PLEKHG1: variants seen among roughly 807,000 people sequenced by gnomAD.
The protein encoded by PLEKHG1 is pleckstrin homology and RhoGEF domain containing G1.
A neutral mutation model predicts 100.8 loss-of-function variants in PLEKHG1; 44 were observed. That is an observed-to-expected ratio of 0.44 (90% CI 0.34 to 0.56). PLEKHG1 has a LOEUF of 0.56. Among genes scored for constraint, PLEKHG1 ranks in the 20% least tolerant of loss-of-function variants. The pLI is 0.01. For synonymous variants in PLEKHG1, 640 were observed against 662.5 expected (o/e 0.97, Z 0.52); for missense variants, 1,545 against 1,720.9 (o/e 0.90, Z 1.81).
intron 1 of PLEKHG1, among the ~76,000 whole-genome samples, chr6:150,628,673 A>G (rs892899802): frequency 6.6e-6 from 1 of 152,070 alleles, no homozygotes; most frequent in Non-Finnish European, 1.5e-5. Context: ...ATTTAGTTAA[A>G]TGGAGTTGGT....
chr6:150,763,300 G>T (rs1784279490), intron 2 of PLEKHG1, among the ~76,000 whole-genome samples: 1 of 151,830 alleles, frequency 6.6e-6, no homozygotes, highest in Non-Finnish European at 1.5e-5. Flanking sequence ...CAAAGTGTGG[G>T]GATTACAGGT....
At chr6:150,721,582 T>C (rs1781677947) in intron 1 of PLEKHG1, among the ~76,000 whole-genome samples, 1 of 152,230 alleles carries the variant, frequency 6.6e-6, no homozygotes, top group African/African-American at 2.4e-5. Flanking sequence ...TTTCATATGC[T>C]TTCTTTTTGA....
intron 10 of PLEKHG1, among the ~76,000 whole-genome samples, chr6:150,811,553 T>G (rs1467516908): frequency 1.3e-5 from 2 of 150,518 alleles, no homozygotes; most frequent in African/African-American, 2.5e-5. Flanking sequence ...ATGACAGGCA[T>G]GAGCCACTGT....
chr6:150,673,860 T>C (rs1779653118), intron 3 of PLEKHG1, among the ~76,000 whole-genome samples: 1 of 152,126 alleles, frequency 6.6e-6, no homozygotes, highest in African/African-American at 2.4e-5. Context: ...GATGAGCTTT[T>C]GCTATGTTGC....
At chr6:150,803,177 A>G (rs1786812193) in intron 6 of PLEKHG1, among the ~76,000 whole-genome samples, 1 of 152,176 alleles carries the variant, frequency 6.6e-6, no homozygotes, top group South Asian at 2.1e-4. Flanking sequence ...TAGATGAAAA[A>G]CTTGAGTACT....
chr6:150,766,916 C>CCCCCG (rs1184371221), intron 2 of PLEKHG1, among the ~76,000 whole-genome samples: 1 of 152,146 alleles, frequency 6.6e-6, no homozygotes, highest in South Asian at 2.1e-4. Flanking sequence ...GCACCCTCCA[C>CCCCCG]CCCTGCCCCG....
intron 3 of PLEKHG1, among the ~76,000 whole-genome samples, chr6:150,774,425 TGTG>T (rs1784851124): frequency 6.6e-6 from 1 of 152,146 alleles, no homozygotes; most frequent in Admixed American, 6.5e-5. Flanking sequence ...CTATTCATAA[TGTG>T]GTAAATATTA....
intron 3 of PLEKHG1, among the ~76,000 whole-genome samples, chr6:150,688,312 T>G (rs547532606): frequency 1.5e-5 from 2 of 133,056 alleles, no homozygotes; most frequent in Non-Finnish European, 3.1e-5. Flanking sequence ...ATTTTCTTCC[T>G]TTGTTTTTTT....
At chr6:150,752,940 T>C (rs1968998) in intron 2 of PLEKHG1, among the ~76,000 whole-genome samples, 10,106 of 152,096 alleles carry the variant, frequency 0.066, 460 homozygotes, top group Admixed American at 0.14. Flanking sequence ...GGCGAAACCC[T>C]GTCTCTACAA....
In PLEKHG1 at chr6:150,600,142, CG is replaced by C. The variant is rs962603626; in HGVS notation, c.-204+126del. ...CGGGCGGAGCGTGGTACCCGGGCCC[CG>C]CCGGCCCCCTGCGCGCCCCTCCGCA... On this transcript the variant is annotated intron_variant, in intron 1 of 3. Coordinates refer to the PLEKHG1 transcript ENST00000367326. The surrounding 1 kb of genome is among the most constrained non-coding windows in gnomAD (Gnocchi z 6.2). 1.7e-3 allele frequency: 273 copies of C among 156,362 alleles called. No homozygotes were observed. The highest frequency in any genetic ancestry group is 3.1e-3 in the Non-Finnish European group (217 of 70,208). 9.7% of individuals were successfully genotyped at this position (156,362 alleles called of 1,614,324 possible).
intron 3 of PLEKHG1, among the ~76,000 whole-genome samples, chr6:150,687,662 A>T (rs1438413833): frequency 6.6e-6 from 1 of 152,204 alleles, no homozygotes; most frequent in Non-Finnish European, 1.5e-5. Context: ...TGGGAGGAAC[A>T]CAGTGCCAGC....
intron 4 of PLEKHG1, among the ~76,000 whole-genome samples, chr6:150,788,117 A>C (rs569142268): frequency 6.6e-6 from 1 of 152,240 alleles, no homozygotes; most frequent in Non-Finnish European, 1.5e-5. Flanking sequence ...AATTATTCAC[A>C]TAAAAGTTTG....
exon 7 of PLEKHG1, chr6:150,804,719 A>T: frequency 1.2e-6 from 2 of 1,613,876 alleles, no homozygotes; most frequent in Non-Finnish European, 1.7e-6. Flanking sequence ...AAGCGGAAAC[A>T]CGAGCACGCG....
chr6:150,739,018 C>T (rs1782711975), intron 2 of PLEKHG1, among the ~76,000 whole-genome samples: 1 of 152,046 alleles, frequency 6.6e-6, no homozygotes. Context: ...CACGGGCTGT[C>T]AGGGGTAGGG....
chr6:150,605,912 T>C (rs2128550837), intron 1 of PLEKHG1: 1 of 152,358 alleles, frequency 6.6e-6, no homozygotes, highest in East Asian at 1.9e-4. Flanking sequence ...GTGTTCATTG[T>C]ATTTGTGCTC....
intron 3 of PLEKHG1, among the ~76,000 whole-genome samples, chr6:150,699,012 T>C (rs1780660002): frequency 6.6e-6 from 1 of 152,200 alleles, no homozygotes; most frequent in Admixed American, 6.5e-5. Flanking sequence ...GGTGATCTTG[T>C]TTGTTGCTTT....
intron 2 of PLEKHG1, among the ~76,000 whole-genome samples, chr6:150,648,501 A>G (rs1312815403): frequency 2.0e-5 from 3 of 152,096 alleles, no homozygotes; most frequent in Non-Finnish European, 4.4e-5. Flanking sequence ...TTTGTGACCT[A>G]TTGATAGGGC....
intron 3 of PLEKHG1, among the ~76,000 whole-genome samples, chr6:150,715,789 C>T (rs560075924): frequency 4.0e-4 from 60 of 149,962 alleles, no homozygotes; most frequent in Non-Finnish European, 8.0e-4. Flanking sequence ...TGGCCCCTCA[C>T]ATTTATGCTG....
At chr6:150,686,858 G>A (rs1034270651) in intron 3 of PLEKHG1, 6 of 152,684 alleles carry the variant, frequency 3.9e-5, no homozygotes, top group Non-Finnish European at 5.9e-5. Flanking sequence ...GCAGGACCAC[G>A]GCGACCTGGG....
Sources: gnomAD v4.1 joint callset for allele counts (sites outside exome capture counted in the v4.1 genomes callset) on GRCh38, gnomAD v4.1.1 for gene constraint, Gnocchi (gnomAD v3.1) non-coding constraint, MANE v1.5 for transcripts, NCBI Gene and HGNC (gene_info 2026-07-23, HGNC 2026-07-21) for gene names.